LPP: variants seen among roughly 807,000 people sequenced by gnomAD.
LPP encodes LIM domain containing preferred translocation partner in lipoma.
A neutral mutation model predicts 60.4 loss-of-function variants in LPP; 38 were observed. That is an observed-to-expected ratio of 0.63 (90% CI 0.49 to 0.83). LPP has a LOEUF of 0.83. LPP is among the 40% of genes least tolerant of loss of function. LPP has a pLI of 0.00. For missense variants in LPP, 902 were observed against 783.6 expected (o/e 1.15, Z -1.80); for synonymous variants, 328 against 290.8 (o/e 1.13, Z -1.30).
chr3:188,315,802 C>G (rs73192606), intron 2 of LPP, among the ~76,000 whole-genome samples: 2,969 of 152,288 alleles, frequency 0.019, 49 homozygotes, highest in African/African-American at 0.041. Context: ...AGTCCTGTAA[C>G]TCTAGTTCGT....
chr3:188,502,129 G>A (rs186886823), intron 5 of LPP, among the ~76,000 whole-genome samples: 1 of 152,238 alleles, frequency 6.6e-6, no homozygotes, highest in Admixed American at 6.5e-5. Flanking sequence ...TGAGAAGAAG[G>A]TGTATTCAAT....
intron 9 of LPP, among the ~76,000 whole-genome samples, chr3:188,850,228 C>T (rs1045896072): frequency 1.3e-5 from 2 of 150,888 alleles, no homozygotes; most frequent in Admixed American, 6.6e-5. Context: ...TTGTGATTAT[C>T]TAAGTGAGAG....
chr3:188,874,681 G>T lies in LPP; in HGVS notation c.*202G>T, dbSNP rs76407832. On this transcript the variant is annotated 3_prime_UTR_variant, in exon 12 of 12. Coordinates refer to ENST00000617246, the MANE Select transcript of LPP (RefSeq NM_001375462.1). ...TTCACATTGAATCATGTAGGATCTT[G>T]ATGGGCCTTTGTTCCCAAGGACTTC... 113 of 558,240 alleles carry T rather than the reference G, an allele frequency of 2.0e-4. 1 individual carries two copies. Among genetic ancestry groups the T allele is most frequent in the African/African-American group, 1.8e-3 (99 of 53,992 alleles). 34.6% of individuals were successfully genotyped at this position (558,240 alleles called of 1,614,324 possible).
chr3:188,816,445 C>G (rs1752530859), intron 9 of LPP, among the ~76,000 whole-genome samples: 1 of 152,160 alleles, frequency 6.6e-6, no homozygotes, highest in African/African-American at 2.4e-5. Flanking sequence ...TGGTGATCCA[C>G]CTGCCTTGGC....
intron 4 of LPP, among the ~76,000 whole-genome samples, chr3:188,418,115 C>T (rs540071480): frequency 2.6e-5 from 4 of 152,204 alleles, no homozygotes; most frequent in South Asian, 2.1e-4. Context: ...TATCCTGCAA[C>T]GTTATTATAG....
At chr3:188,841,083 G>T (rs1304714397) in intron 9 of LPP, among the ~76,000 whole-genome samples, 1 of 152,174 alleles carries the variant, frequency 6.6e-6, no homozygotes, top group East Asian at 1.9e-4. Flanking sequence ...GACCACCAGG[G>T]CTGTAGTTAA....
intron 9 of LPP, among the ~76,000 whole-genome samples, chr3:188,839,328 C>G (rs1759315151): frequency 6.6e-6 from 1 of 152,176 alleles, no homozygotes; most frequent in Non-Finnish European, 1.5e-5. Flanking sequence ...GATCATTACT[C>G]TAGGTAGATT....
chr3:188,578,071 T>C (rs754859424), intron 6 of LPP, among the ~76,000 whole-genome samples: 5 of 152,104 alleles, frequency 3.3e-5, no homozygotes, highest in Non-Finnish European at 7.3e-5. Flanking sequence ...CTTGAATCTA[T>C]CTCAAAACAA....
chr3:188,417,920 GT>G (rs1786753281), intron 4 of LPP, among the ~76,000 whole-genome samples: 2 of 151,986 alleles, frequency 1.3e-5, no homozygotes, highest in South Asian at 4.1e-4. Flanking sequence ...TTTTTGTTTT[GT>G]TTTGCTCTCT....
At chr3:188,374,946 C>T (rs1223421081) in intron 3 of LPP, among the ~76,000 whole-genome samples, 1 of 152,066 alleles carries the variant, frequency 6.6e-6, no homozygotes, top group Non-Finnish European at 1.5e-5. Context: ...AAGGCCTTTT[C>T]TGCATCTATT....
intron 9 of LPP, among the ~76,000 whole-genome samples, chr3:188,815,130 G>T (rs1203829242): frequency 6.6e-6 from 1 of 152,170 alleles, no homozygotes; most frequent in Non-Finnish European, 1.5e-5. Flanking sequence ...CTTGTCCAAT[G>T]GAAATGACCA....
intron 2 of LPP, among the ~76,000 whole-genome samples, chr3:188,241,163 T>A (rs1724583567): frequency 6.6e-6 from 1 of 152,184 alleles, no homozygotes; most frequent in Admixed American, 6.5e-5. Flanking sequence ...AGCCTGACAC[T>A]CTAGGAGCAG....
intron 7 of LPP, among the ~76,000 whole-genome samples, chr3:188,706,883 G>C (rs991752300): frequency 2.0e-5 from 3 of 152,110 alleles, no homozygotes; most frequent in Non-Finnish European, 2.9e-5. Context: ...ATCATCATCA[G>C]TTCTAAATTT....
intron 6 of LPP, among the ~76,000 whole-genome samples, chr3:188,602,177 T>TATATATATA (rs1841458686): frequency 4.3e-5 from 5 of 115,276 alleles, no homozygotes; most frequent in African/African-American, 1.6e-4. Context: ...ATATATATAT[T>TATATATATA]ATATATATAT....
At chr3:188,822,612 A>T (rs1754292314) in intron 9 of LPP, among the ~76,000 whole-genome samples, 1 of 152,156 alleles carries the variant, frequency 6.6e-6, no homozygotes, top group African/African-American at 2.4e-5. Flanking sequence ...TGCTCATTTG[A>T]TAACCTCATA....
chr3:188,360,920 A>AAATGAGATAGCGGGTGT (rs1769115235), intron 3 of LPP, among the ~76,000 whole-genome samples: 1 of 152,238 alleles, frequency 6.6e-6, no homozygotes, highest in African/African-American at 2.4e-5. Flanking sequence ...GAAAAAGGTC[A>AAATGAGATAGCGGGTGT]AATGAGATAG....
intron 9 of LPP, among the ~76,000 whole-genome samples, chr3:188,808,514 C>T (rs796434006): frequency 1.3e-5 from 2 of 152,074 alleles, no homozygotes; most frequent in East Asian, 3.9e-4. Context: ...ACAAGACTCA[C>T]TGTTATTTTC....
At chr3:188,662,731 A>G (rs1854864394) in intron 7 of LPP, among the ~76,000 whole-genome samples, 1 of 152,238 alleles carries the variant, frequency 6.6e-6, no homozygotes, top group Non-Finnish European at 1.5e-5. Flanking sequence ...CTATTTAGAG[A>G]TATGTGAATC....
At chr3:188,224,665 G>C (rs1717067476) in intron 1 of LPP, among the ~76,000 whole-genome samples, 1 of 152,144 alleles carries the variant, frequency 6.6e-6, no homozygotes, top group South Asian at 2.1e-4. Flanking sequence ...ACTCATGGCT[G>C]AAGGCAAAGG....
Sources: allele counts gnomAD v4.1 joint callset (sites outside exome capture counted in the v4.1 genomes callset), GRCh38; gene constraint gnomAD v4.1.1; transcripts MANE v1.5; gene names NCBI Gene and HGNC (gene_info 2026-07-23, HGNC 2026-07-21).